MAPK10: variants seen among roughly 807,000 people sequenced by gnomAD.
MAPK10 encodes JNK3 alpha protein kinase.
A neutral mutation model predicts 59.3 loss-of-function variants in MAPK10; 25 were observed. The ratio of observed to expected loss-of-function variants is 0.42; its 90% CI spans 0.31 to 0.59. The LOEUF is 0.59. Ranked by LOEUF, MAPK10 falls within the 20% of genes least tolerant of loss-of-function variation. The pLI, the probability that MAPK10 is intolerant of heterozygous loss-of-function variation, is 0.15. For synonymous variants in MAPK10, 190 were observed against 200.5 expected (o/e 0.95, Z 0.44); for missense variants, 351 against 568.9 (o/e 0.62, Z 3.90).
intron 2 of MAPK10, among the ~76,000 whole-genome samples, chr4:86,309,056 C>A (rs766619175): frequency 1.3e-5 from 2 of 152,046 alleles, no homozygotes; most frequent in South Asian, 2.1e-4. Flanking sequence ...ATTTTATATC[C>A]TACAATCTTT....
At chr4:86,567,436 T>C (rs1236722360) in intron 1 of MAPK10, among the ~76,000 whole-genome samples, 1 of 152,184 alleles carries the variant, frequency 6.6e-6, no homozygotes, top group African/African-American at 2.4e-5. Context: ...GTCAGGCTGG[T>C]CTCGAACTCC....
intron 2 of MAPK10, among the ~76,000 whole-genome samples, chr4:86,336,075 A>C (rs1442754668): frequency 6.6e-6 from 1 of 152,204 alleles, no homozygotes; most frequent in African/African-American, 2.4e-5. Context: ...AAGATTTTTT[A>C]ATATAAAAAG....
rs531586905 is a variant in MAPK10 at position 86,373,210 on chromosome 4, A to G, written c.-121-18566T>C. 1.6e-4 allele frequency among the ~76,000 whole-genome samples: 24 copies of G among 152,368 alleles called. No homozygotes were observed. In the East Asian group the frequency reaches 4.2e-3, roughly 27 times the overall value. On this transcript the variant is annotated intron_variant, in intron 1 of 13. Coordinates refer to the MAPK10 transcript ENST00000361569. ...TTGGGAAAACTGGCTAGCCATATGCAGAAAACTGAAACTGGACCCCTTCCT... is the reference window on the plus strand; with the variant it reads ...TTGGGAAAACTGGCTAGCCATATGCGGAAAACTGAAACTGGACCCCTTCCT...
intron 13 of MAPK10, chr4:86,025,268 C>T: frequency 2.7e-6 from 1 of 372,314 alleles, no homozygotes; most frequent in Non-Finnish European, 4.8e-6. Context: ...TTAACCAGTC[C>T]ACCACTATTA....
intron 1 of MAPK10, among the ~76,000 whole-genome samples, chr4:86,391,201 C>T (rs1178430128): frequency 6.6e-6 from 1 of 152,142 alleles, no homozygotes; most frequent in Non-Finnish European, 1.5e-5. Context: ...AGGTTTAGTA[C>T]ATAAAATTAT....
chr4:86,126,690 T>C (rs996505784), intron 4 of MAPK10, among the ~76,000 whole-genome samples: 53 of 152,090 alleles, frequency 3.5e-4, no homozygotes, highest in Admixed American at 3.3e-3. Context: ...TAAGTATACA[T>C]ATTTATATAT....
intron 3 of MAPK10, among the ~76,000 whole-genome samples, chr4:86,170,719 C>A (rs557544556): frequency 6.6e-6 from 1 of 151,698 alleles, no homozygotes; most frequent in Non-Finnish European, 1.5e-5. Context: ...CTGCACCAAG[C>A]GGACCTAATA....
At chr4:86,019,505 T>C (rs1210704302) in intron 13 of MAPK10, among the ~76,000 whole-genome samples, 1 of 152,180 alleles carries the variant, frequency 6.6e-6, no homozygotes, top group Non-Finnish European at 1.5e-5. Context: ...CCCCCATAGC[T>C]ATGGTACAGA....
At chr4:86,111,019 G>T (rs191075873) in intron 4 of MAPK10, among the ~76,000 whole-genome samples, 1 of 152,020 alleles carries the variant, frequency 6.6e-6, no homozygotes, top group African/African-American at 2.4e-5. Flanking sequence ...TCATGATTTG[G>T]CTCTCTGCTT....
At chr4:86,158,546 T>G (rs534428901) in intron 4 of MAPK10, among the ~76,000 whole-genome samples, 1 of 151,840 alleles carries the variant, frequency 6.6e-6, no homozygotes, top group East Asian at 2.0e-4. Context: ...TCAGGGTACA[T>G]GCCCTGAATT....
intron 2 of MAPK10, among the ~76,000 whole-genome samples, chr4:86,266,775 T>G (rs902834915): frequency 6.6e-5 from 10 of 152,164 alleles, no homozygotes; most frequent in African/African-American, 2.4e-4. Context: ...AATTTATTAC[T>G]AAATCTACAT....
At chr4:86,566,713 T>A (rs1338606716) in intron 1 of MAPK10, among the ~76,000 whole-genome samples, 7 of 146,924 alleles carry the variant, frequency 4.8e-5, no homozygotes, top group Admixed American at 1.4e-4. Context: ...AGAATCCATT[T>A]AAAAAAAAAA....
rs1012497283 is a variant in MAPK10, at chr4:86,547,491, C to A, written c.-263+46419G>T. On this transcript the variant is annotated intron_variant, in intron 1 of 4. Transcript: ENST00000502302. ...TCTCGCCGGGCCTTAGTTGCCTTCC[C>A]GCAGGGCAGGGCTCAGGACCTGCAG... is the stretch of plus-strand genomic sequence containing the variant. Among the ~76,000 whole-genome samples, 12 of 152,324 alleles carry A rather than the reference C, an allele frequency of 7.9e-5. No homozygotes were observed. The South Asian group carries it at 2.5e-3, about 32-fold the overall frequency.
chr4:86,415,928 G>T lies in MAPK10; in HGVS notation c.-122+37102C>A, dbSNP rs533123439. 3.3e-5 allele frequency among the ~76,000 whole-genome samples: 5 copies of T among 152,230 alleles called. No homozygotes were observed. The East Asian group carries it at 9.7e-4, about 29-fold the overall frequency. On this transcript the variant is annotated intron_variant, in intron 1 of 13. Transcript: ENST00000361569. Reference sequence around the variant, plus strand: ...ATGCCTTCCAGATTAGACAAAGTTGGATTTAAGTTTTATCATCATCTAGCT... The same window carrying T: ...ATGCCTTCCAGATTAGACAAAGTTGTATTTAAGTTTTATCATCATCTAGCT...
At chr4:86,349,237 C>A (rs1262386251) in intron 2 of MAPK10, among the ~76,000 whole-genome samples, 1 of 152,198 alleles carries the variant, frequency 6.6e-6, no homozygotes, top group East Asian at 1.9e-4. Flanking sequence ...TGCCAGGCTG[C>A]CTTCCACATT....
intron 2 of MAPK10, among the ~76,000 whole-genome samples, chr4:86,310,373 T>C (rs1375385152): frequency 6.6e-6 from 1 of 152,196 alleles, no homozygotes; most frequent in South Asian, 2.1e-4. Flanking sequence ...ACAAGACATA[T>C]GTTAGTAACA....
At chr4:86,465,790 G>C (rs891683125) in intron 1 of MAPK10, among the ~76,000 whole-genome samples, 2 of 152,158 alleles carry the variant, frequency 1.3e-5, no homozygotes, top group Non-Finnish European at 2.9e-5. Context: ...GGACCCCCCA[G>C]TTACAGCCAT....
At chr4:86,151,819 C>T (rs751092416) in intron 4 of MAPK10, among the ~76,000 whole-genome samples, 11 of 152,198 alleles carry the variant, frequency 7.2e-5, no homozygotes, top group Non-Finnish European at 1.2e-4. Context: ...TGATTATTTG[C>T]ATTTTCTTCA....
intron 2 of MAPK10, among the ~76,000 whole-genome samples, chr4:86,346,733 GAAAAA>G (rs3030114): frequency 0.53 from 74,157 of 138,618 alleles, 20,472 homozygotes; most frequent in South Asian, 0.68. Flanking sequence ...AGTTTGTTTG[GAAAAA>G]AAAAAAAAAA....
Sources: allele counts gnomAD v4.1 joint callset (sites outside exome capture counted in the v4.1 genomes callset), GRCh38; gene constraint gnomAD v4.1.1; transcripts MANE v1.5; gene names NCBI Gene and HGNC (gene_info 2026-07-23, HGNC 2026-07-21).